Variants in KIFC3 observed in about 807,000 individuals in gnomAD.
KIFC3 encodes the protein kinesin-like protein KIFC3.
In KIFC3, 60 loss-of-function variants were observed where a neutral mutation model predicts 101.8. That is an observed-to-expected ratio of 0.59 (90% CI 0.48 to 0.73). KIFC3 has a LOEUF of 0.73. Among genes scored for constraint, KIFC3 ranks in the 30% least tolerant of loss-of-function variants. The probability of loss-of-function intolerance (pLI) is 0.00; values close to 1 mark genes in which losing one functional copy is unlikely to be tolerated. For synonymous variants in KIFC3, 476 were observed against 482.7 expected (o/e 0.99, Z 0.18); for missense variants, 966 against 1,137.1 (o/e 0.85, Z 2.16).
At chr16:57,797,966 T>C in intron 2 of KIFC3, 106 bp downstream of exon 2, 1 of 1,544,618 alleles carries the variant, frequency 6.5e-7, no homozygotes, top group Non-Finnish European at 8.7e-7. Context: ...TGTAATTACC[T>C]GACAGCTCTG....
chr16:57,761,828 A>G (rs1227992220), intron 13 of KIFC3, among the ~76,000 whole-genome samples: 2 of 152,038 alleles, frequency 1.3e-5, no homozygotes, highest in Non-Finnish European at 2.9e-5. Flanking sequence ...TCTCAGAGAG[A>G]GCCCCTCCTC....
chr16:57,819,338 C>A (rs2055301834), intron 1 of KIFC3, among the ~76,000 whole-genome samples: 1 of 152,102 alleles, frequency 6.6e-6, no homozygotes, highest in Non-Finnish European at 1.5e-5. Context: ...GGCACAGTAT[C>A]ATGTGCCTGT....
intron 1 of KIFC3, among the ~76,000 whole-genome samples, chr16:57,823,575 G>A (rs1215037085): frequency 1.3e-5 from 2 of 152,148 alleles, no homozygotes; most frequent in Non-Finnish European, 2.9e-5. Flanking sequence ...GGGTTAAGAG[G>A]CATTATGTAT....
rs2148837642 is a variant in KIFC3 at position 57,760,874 on chromosome 16, T to C, written c.2084A>G (p.Gln695Arg). 1.2e-6 allele frequency: 2 copies of C among 1,612,180 alleles called. No individual in the cohort carries two copies. The highest frequency in any genetic ancestry group is 1.1e-5 in the South Asian group (1 of 91,076). ...AGCCGACAGCGACTTGTTGATGTGCTGCGCCTCCCGCAGGCGGCTGCCCTC... is the reference window on the plus strand; with the variant it reads ...AGCCGACAGCGACTTGTTGATGTGCCGCGCCTCCCGCAGGCGGCTGCCCTC... ...GAEGSRLREA[Q>R]HINKSLSALG... Residue 695 changes from glutamine to arginine, a missense_variant, in exon 16 of 20, where the codon CAG becomes CGG. By Grantham distance (43) the Gln-to-Arg change is conservative. This residue lies in a region of KIFC3 where 689 missense variants were observed against 884.6 expected (regional missense o/e 0.78). Transcript: ENST00000445690.
intron 12 of KIFC3, among the ~76,000 whole-genome samples, chr16:57,762,502 A>C (rs2049985300): frequency 6.6e-6 from 1 of 152,192 alleles, no homozygotes; most frequent in African/African-American, 2.4e-5. Context: ...TGAGACTTAT[A>C]GTGCAGCACT....
chr16:57,762,074 C>T, intron 13 of KIFC3, 66 bp downstream of exon 13: 2 of 1,501,226 alleles, frequency 1.3e-6, no homozygotes, highest in Non-Finnish European at 1.8e-6. Context: ...GACCTCGTTC[C>T]AGCACCACCC....
At chr16:57,850,936 TC>T in intron 1 of KIFC3, among the ~76,000 whole-genome samples, 1 of 53,134 alleles carries the variant, frequency 1.9e-5, no homozygotes, top group East Asian at 6.4e-4. Flanking sequence ...TCAACTTCTT[TC>T]CTTCCCTCCC....
intron 9 of KIFC3, among the ~76,000 whole-genome samples, chr16:57,768,352 C>T (rs1003933847): frequency 4.0e-5 from 6 of 151,586 alleles, no homozygotes; most frequent in Non-Finnish European, 4.4e-5. Context: ...GTCTCAAAAA[C>T]AAAAAAATGC....
chr16:57,838,489 A>G (rs906011573), intron 1 of KIFC3, among the ~76,000 whole-genome samples: 1 of 152,186 alleles, frequency 6.6e-6, no homozygotes, highest in Admixed American at 6.6e-5. Flanking sequence ...GTGCGGCTTC[A>G]TGCATATCTA....
intron 11 of KIFC3, among the ~76,000 whole-genome samples, chr16:57,764,765 T>C (rs2050265872): frequency 6.6e-6 from 1 of 151,762 alleles, no homozygotes; most frequent in Non-Finnish European, 1.5e-5. Context: ...TACAGGAGGG[T>C]ATTCCCGGAT....
In KIFC3 at chr16:57,789,095, C is replaced by T. The variant is rs74446502; in HGVS notation, c.315+5904G>A. Among the ~76,000 whole-genome samples, 43 of 152,358 alleles carry T rather than the reference C, an allele frequency of 2.8e-4. 1 individual carries two copies. The highest frequency in any genetic ancestry group is 2.5e-3 in the Admixed American group (38 of 15,312). On this transcript the variant is annotated intron_variant, in intron 3 of 19. Transcript: ENST00000445690. ...GGCAACCGTCCAGTCCCACCACACA[C>T]GTATCAACCTCAGGGCAACTGCTCC...
In KIFC3 at chr16:57,798,741, G is replaced by C. The variant is rs76373383; in HGVS notation, c.-39-459C>G. On this transcript the variant is annotated intron_variant, in intron 1 of 19. Transcript: ENST00000445690. Reference sequence around the variant, plus strand: ...CTGCCTAAGGCCTGTCAGCAGAGCAGTGAATGCTCTGAATATTAACATTTC... The same window carrying C: ...CTGCCTAAGGCCTGTCAGCAGAGCACTGAATGCTCTGAATATTAACATTTC... 210 of 189,878 alleles carry C rather than the reference G, an allele frequency of 1.1e-3. 3 individuals carry two copies. In the East Asian group the frequency reaches 0.032, roughly 29 times the overall value. The allele number at this position is 189,878 out of a possible 1,614,324, so 11.8% of individuals were successfully genotyped here. A position where few individuals can be genotyped will look rare whatever the true frequency, so the allele number is the denominator to read the frequency against.
rs947022384 is a variant in KIFC3, at chr16:57,758,433, C to T, written c.*501G>A. 9.4e-5 allele frequency: 35 copies of T among 371,902 alleles called. No individual in the cohort carries two copies. Among genetic ancestry groups the T allele is most frequent in the Non-Finnish European group, 1.5e-4 (28 of 191,184 alleles). 23.0% of individuals were successfully genotyped at this position (371,902 alleles called of 1,614,324 possible). A position where few individuals can be genotyped will look rare whatever the true frequency, so the allele number is the denominator to read the frequency against. ...TGCGCCTCCGCACACCCCCCAGCTG[C>T]GGGAACCCTCCTTGAAGGAGAGGGG... On this transcript the variant is annotated 3_prime_UTR_variant, in exon 20 of 20. Transcript: ENST00000445690.
intron 3 of KIFC3, among the ~76,000 whole-genome samples, chr16:57,789,207 G>A (rs1433352785): frequency 6.6e-6 from 1 of 152,216 alleles, no homozygotes; most frequent in African/African-American, 2.4e-5. Flanking sequence ...GCAGGAGTCC[G>A]TCCGAGCAGG....
chr16:57,771,125 C>T (rs111769288), intron 6 of KIFC3, 73 bp downstream of exon 6: 8 of 1,567,454 alleles, frequency 5.1e-6, no homozygotes, highest in African/African-American at 1.3e-5. Flanking sequence ...GACAAGCCCC[C>T]CTTATGGGCT....
rs4995527 is a variant in KIFC3, at chr16:57,760,499, G to A, written c.2233-83C>T. Reference sequence around the variant, plus strand: ...CGAGAGGGAGCTCACAGCTGGGGCCGTCAGAAGGCTTCCTGGAGAGGCCTG... The same window carrying A: ...CGAGAGGGAGCTCACAGCTGGGGCCATCAGAAGGCTTCCTGGAGAGGCCTG... On this transcript the variant is annotated intron_variant, in intron 16 of 19. Coordinates refer to ENST00000445690, the MANE Select transcript of KIFC3 (RefSeq NM_001130100.2). The A allele has an allele frequency of 4.1e-3, 6,107 of 1,503,854 alleles. 278 individuals carry two copies. The Admixed American group carries it at 0.084, about 21-fold the overall frequency. 93.2% of individuals were successfully genotyped at this position (1,503,854 alleles called of 1,614,324 possible). A position where few individuals can be genotyped will look rare whatever the true frequency, so the allele number is the denominator to read the frequency against.
intron 1 of KIFC3, among the ~76,000 whole-genome samples, chr16:57,839,225 G>A (rs1284782350): frequency 2.0e-5 from 3 of 151,806 alleles, no homozygotes; most frequent in African/African-American, 7.3e-5. Flanking sequence ...TATTTGGGGT[G>A]ATGATATCCA....
intron 1 of KIFC3, chr16:57,816,612 T>C (rs782546784): frequency 4.4e-6 from 2 of 456,750 alleles, no homozygotes; most frequent in South Asian, 3.1e-5. Flanking sequence ...AGGCATCTGC[T>C]GAGCTGTGCT....
intron 1 of KIFC3, chr16:57,816,078 C>A: frequency 1.5e-6 from 1 of 660,646 alleles, no homozygotes; most frequent in Non-Finnish European, 2.2e-6. Flanking sequence ...CATCCACGTA[C>A]CCACAGGAAG....
Sources: gnomAD v4.1 joint callset for allele counts (sites outside exome capture counted in the v4.1 genomes callset) on GRCh38, gnomAD v4.1.1 for gene constraint, gnomAD v4.1.1 regional missense constraint, MANE v1.5 for transcripts, NCBI Gene and HGNC (gene_info 2026-07-23, HGNC 2026-07-21) for gene names.